The following IL6R variants were observed in gnomAD, a reference collection of about 807,000 sequenced individuals.
IL6R encodes the protein interleukin-6 receptor subunit alpha.
Under a neutral mutation model 48.3 loss-of-function variants are expected in IL6R, and 38 were observed. The observed-to-expected ratio is 0.79, with a 90% CI of 0.61 to 1.03. IL6R has a LOEUF of 1.03. IL6R is among the 50% of genes least tolerant of loss of function. IL6R has a pLI of 0.00. For missense variants in IL6R, 534 were observed against 618.3 expected (o/e 0.86, Z 1.45); for synonymous variants, 264 against 256.2 (o/e 1.03, Z -0.29).
At chr1:154,408,581 G>A (rs1570911671) in intron 1 of IL6R, among the ~76,000 whole-genome samples, 1 of 152,114 alleles carries the variant, frequency 6.6e-6, no homozygotes, top group South Asian at 2.1e-4. Context: ...AAGGCAGCAG[G>A]CACACTGATC....
chr1:154,418,486 G>C (rs1688478792), intron 1 of IL6R: 23 of 862,776 alleles, frequency 2.7e-5, no homozygotes, highest in Non-Finnish European at 3.2e-5. Context: ...AAATACATAT[G>C]TGGGGGAGGA....
At chr1:154,463,954 A>G (rs1024764871) in intron 9 of IL6R, among the ~76,000 whole-genome samples, 30 of 152,098 alleles carry the variant, frequency 2.0e-4, no homozygotes, top group African/African-American at 7.2e-4. Flanking sequence ...GAGTGGACCG[A>G]GAGGCGTAGG....
At chr1:154,462,956 C>T (rs750677087) in intron 9 of IL6R, among the ~76,000 whole-genome samples, 8 of 151,848 alleles carry the variant, frequency 5.3e-5, no homozygotes, top group South Asian at 2.1e-4. Context: ...TACAGGCATG[C>T]GCCACGACAC....
At chr1:154,412,335 C>T (rs1160197274) in intron 1 of IL6R, among the ~76,000 whole-genome samples, 6 of 151,846 alleles carry the variant, frequency 4.0e-5, no homozygotes, top group South Asian at 4.2e-4. Flanking sequence ...CTCACTGCAA[C>T]CTCTGCCTCC....
intron 6 of IL6R, among the ~76,000 whole-genome samples, chr1:154,446,397 C>T (rs1690230810): frequency 6.6e-6 from 1 of 152,182 alleles, no homozygotes; most frequent in African/African-American, 2.4e-5. Flanking sequence ...TGGAAACCCT[C>T]CCTGACGCCG....
intron 3 of IL6R, among the ~76,000 whole-genome samples, chr1:154,432,433 C>T (rs991714213): frequency 1.3e-5 from 2 of 151,360 alleles, no homozygotes; most frequent in Admixed American, 6.6e-5. Flanking sequence ...TCTCGGCTCA[C>T]TGCAATCTCC....
chr1:154,425,131 C>A (rs1688891771), intron 1 of IL6R, among the ~76,000 whole-genome samples: 1 of 152,128 alleles, frequency 6.6e-6, no homozygotes. Flanking sequence ...AACTATCAGG[C>A]CCAGGGTGTG....
At chr1:154,414,530 G>C in intron 1 of IL6R, 2 of 782,732 alleles carry the variant, frequency 2.6e-6, no homozygotes, top group Non-Finnish European at 4.4e-6. Context: ...CATCTTTTTG[G>C]GTGTGTTGAA....
intron 1 of IL6R, among the ~76,000 whole-genome samples, chr1:154,408,460 C>T (rs892170179): frequency 6.6e-6 from 1 of 152,036 alleles, no homozygotes; most frequent in African/African-American, 2.4e-5. Context: ...GCTGAGAAAC[C>T]CCAGACTCTG....
chr1:154,446,421 C>T (rs1286704952), intron 6 of IL6R, among the ~76,000 whole-genome samples: 1 of 152,198 alleles, frequency 6.6e-6, no homozygotes, highest in Non-Finnish European at 1.5e-5. Context: ...CAGGGTCACC[C>T]TCTCCCCGCC....
chr1:154,431,419 G>A (rs960067065), intron 3 of IL6R, among the ~76,000 whole-genome samples: 2 of 152,148 alleles, frequency 1.3e-5, no homozygotes, highest in South Asian at 2.1e-4. Flanking sequence ...GCCTGAAATC[G>A]CAAATGGTGC....
Position 154,436,082 on chromosome 1 carries a change from C to T in IL6R, c.921C>T (p.Ser307=). 6.2e-7 allele frequency: 1 copy of T among 1,612,390 alleles called. No homozygotes were observed. The highest frequency in any genetic ancestry group is 8.5e-7 in the Non-Finnish European group (1 of 1,178,902). Residue 307 remains serine (S), a synonymous_variant, in exon 6 of 10, where the codon AGC becomes AGT. Transcript: ENST00000368485. The part of the protein sequence containing the change: ...EFGQGEWSEW[S]PEAMGTPWTE... ...GGCAAGGCGAGTGGAGCGAGTGGAG[C>T]CCGGAGGCCATGGGCACGCCTTGGA...
At chr1:154,460,429 G>GA (rs34001333) in intron 9 of IL6R, among the ~76,000 whole-genome samples, 26 of 151,402 alleles carry the variant, frequency 1.7e-4, no homozygotes, top group African/African-American at 6.3e-4. Flanking sequence ...CAGTTACTTT[G>GA]AAAAAAAAAC....
In IL6R at chr1:154,435,914, C is replaced by A; in HGVS notation, c.808-55C>A. The A allele has an allele frequency of 3.4e-6, 5 of 1,482,268 alleles. No homozygotes were observed. The South Asian group carries it at 6.6e-5, about 19-fold the overall frequency. 91.8% of individuals were successfully genotyped at this position (1,482,268 alleles called of 1,614,324 possible). On this transcript the variant is annotated intron_variant, in intron 5 of 9. Coordinates refer to ENST00000368485, the MANE Select transcript of IL6R (RefSeq NM_000565.4). ...AAGGCACCAACCCACTGGGGTGCTA[C>A]CTGCCCAGCACCATCCTGGATACCT...
chr1:154,446,379 A>G (rs1160947517), intron 6 of IL6R, among the ~76,000 whole-genome samples: 3 of 152,284 alleles, frequency 2.0e-5, no homozygotes, highest in African/African-American at 7.2e-5. Context: ...GGCATACTCC[A>G]GGAATTCTGG....
intron 6 of IL6R, among the ~76,000 whole-genome samples, chr1:154,447,472 T>TACAC (rs1377253678): frequency 1.0e-5 from 1 of 99,342 alleles, no homozygotes; most frequent in Admixed American, 1.2e-4. Flanking sequence ...TATATATATA[T>TACAC]ATATACACAC....
intron 6 of IL6R, among the ~76,000 whole-genome samples, chr1:154,442,249 T>G (rs142551242): frequency 3.3e-4 from 51 of 152,308 alleles, no homozygotes; most frequent in African/African-American, 1.1e-3. Flanking sequence ...GATAAGGCCG[T>G]AAGCAGACTG....
rs1013152000 is a variant in IL6R, at chr1:154,467,199, T to C, written c.*1819T>C. On this transcript the variant is annotated 3_prime_UTR_variant, in exon 10 of 10. Coordinates refer to ENST00000368485, the MANE Select transcript of IL6R (RefSeq NM_000565.4). Reference sequence around the variant, plus strand: ...CTTTTTATTTAGTTCCTTGAGTTGATTCAGCTCTGCAAGAATTGAAGCAGG... The same window carrying C: ...CTTTTTATTTAGTTCCTTGAGTTGACTCAGCTCTGCAAGAATTGAAGCAGG... 3.3e-5 allele frequency: 5 copies of C among 152,242 alleles called. No individual in the cohort carries two copies. Among genetic ancestry groups the C allele is most frequent in the Non-Finnish European group, 5.9e-5 (4 of 68,034 alleles). 9.4% of individuals were successfully genotyped at this position (152,242 alleles called of 1,614,324 possible). A position where few individuals can be genotyped will look rare whatever the true frequency, so the allele number is the denominator to read the frequency against.
chr1:154,449,839 A>G (rs1360120089), intron 7 of IL6R, 72 bp from the exon 8 acceptor site: 2 of 921,238 alleles, frequency 2.2e-6, no homozygotes, highest in Non-Finnish European at 3.7e-6. Flanking sequence ...AGGAGGAGGT[A>G]ACTCCTGAAC....
Sources: allele counts gnomAD v4.1 joint callset (sites outside exome capture counted in the v4.1 genomes callset), GRCh38; gene constraint gnomAD v4.1.1; transcripts MANE v1.5; gene names NCBI Gene and HGNC (gene_info 2026-07-23, HGNC 2026-07-21).